SDK1: variants seen among roughly 807,000 people sequenced by gnomAD.
SDK1 encodes protein sidekick-1.
A neutral mutation model predicts 245.5 loss-of-function variants in SDK1; 157 were observed. That is an observed-to-expected ratio of 0.64 (90% CI 0.56 to 0.73). The LOEUF (loss-of-function observed/expected upper bound fraction) is 0.73, where lower values mean the gene tolerates loss of function less well. Among genes scored for constraint, SDK1 ranks in the 30% least tolerant of loss-of-function variants. The probability of loss-of-function intolerance (pLI) is 0.00; values close to 1 mark genes in which losing one functional copy is unlikely to be tolerated. For missense variants in SDK1, 3,583 were observed against 3,002.3 expected (o/e 1.19, Z -4.52); for synonymous variants, 1,647 against 1,278.5 (o/e 1.29, Z -6.15).
chr7:3,454,181 G>A (rs761106529), intron 1 of SDK1, among the ~76,000 whole-genome samples: 12 of 151,880 alleles, frequency 7.9e-5, no homozygotes, highest in Non-Finnish European at 1.3e-4. Context: ...AAAATTTGGA[G>A]GCACCATACA....
At chr7:3,416,463 C>CTT (rs5881982) in intron 1 of SDK1, among the ~76,000 whole-genome samples, 2,881 of 132,320 alleles carry the variant, frequency 0.022, 119 homozygotes, top group African/African-American at 0.075. Context: ...GGCTTTCGTT[C>CTT]TTTTTTTTTT....
At chr7:3,717,039 A>G (rs557464441) in intron 4 of SDK1, among the ~76,000 whole-genome samples, 2 of 152,332 alleles carry the variant, frequency 1.3e-5, no homozygotes, top group South Asian at 2.1e-4. Context: ...TGTATGTAGC[A>G]GAAATACTTA....
At chr7:4,105,557 A>C (rs2128188799) in intron 22 of SDK1, among the ~76,000 whole-genome samples, 1 of 146,666 alleles carries the variant, frequency 6.8e-6, no homozygotes, top group South Asian at 2.2e-4. Context: ...CACCCACCTC[A>C]GCCTCCCAAA....
Position 4,174,241 on chromosome 7 carries a change from T to C in SDK1, c.4820T>C (p.Leu1607Pro). The C allele has an allele frequency of 8.7e-6, 14 of 1,614,094 alleles. No individual in the cohort carries two copies. Among genetic ancestry groups the C allele is most frequent in the Non-Finnish European group, 1.2e-5 (14 of 1,179,966 alleles). Residue 1607 changes from leucine to proline, a missense_variant, in exon 33 of 45, where the codon CTG becomes CCG. Transcript: ENST00000404826. Reference sequence around the variant, plus strand: ...TTGCAGCCTCCGAGGGACGAAAGCCTGAATGGCCTTCTTCAGGGATACAGG... The same window carrying C: ...TTGCAGCCTCCGAGGGACGAAAGCCCGAATGGCCTTCTTCAGGGATACAGG... ...IQWQPPRDESLNGLLQGYRIY... is the reference protein window; with the variant it reads ...IQWQPPRDESPNGLLQGYRIY...
chr7:3,763,973 C>G (rs1352959509), intron 4 of SDK1, among the ~76,000 whole-genome samples: 1 of 152,168 alleles, frequency 6.6e-6, no homozygotes, highest in African/African-American at 2.4e-5. Flanking sequence ...CCAGTCAAAC[C>G]TAACCCTAAC....
At chr7:3,502,830 G>C (rs941587640) in intron 1 of SDK1, among the ~76,000 whole-genome samples, 1 of 152,082 alleles carries the variant, frequency 6.6e-6, no homozygotes, top group African/African-American at 2.4e-5. Context: ...TTCAGCTTTT[G>C]ATTTTCTGAA....
intron 12 of SDK1, among the ~76,000 whole-genome samples, chr7:3,971,836 A>G (rs6947503): frequency 0.019 from 2,953 of 152,234 alleles, 104 homozygotes; most frequent in African/African-American, 0.067. Flanking sequence ...TTAATACACT[A>G]TCTGTAAAAC....
At chr7:3,880,403 G>A (rs773678841) in intron 5 of SDK1, among the ~76,000 whole-genome samples, 1 of 152,162 alleles carries the variant, frequency 6.6e-6, no homozygotes, top group African/African-American at 2.4e-5. Flanking sequence ...GAACCAGCAC[G>A]GGGCGGGGGC....
At chr7:4,103,289 C>T (rs943588128) in intron 22 of SDK1, among the ~76,000 whole-genome samples, 3 of 143,676 alleles carry the variant, frequency 2.1e-5, no homozygotes, top group African/African-American at 2.6e-5. Context: ...CGTGAGCCAC[C>T]GCGCCCGGCC....
At chr7:3,417,958 A>G (rs1369210655) in intron 1 of SDK1, among the ~76,000 whole-genome samples, 1 of 152,044 alleles carries the variant, frequency 6.6e-6, no homozygotes, top group Non-Finnish European at 1.5e-5. Context: ...TTACTCATTT[A>G]CGCAACATTG....
intron 35 of SDK1, among the ~76,000 whole-genome samples, chr7:4,183,425 G>A (rs2128220617): frequency 6.6e-6 from 1 of 152,126 alleles, no homozygotes; most frequent in Non-Finnish European, 1.5e-5. Flanking sequence ...CGCGAAGTCA[G>A]GAGTTCAAGA....
chr7:3,570,378 G>T (rs1362596179), intron 1 of SDK1, among the ~76,000 whole-genome samples: 1 of 152,108 alleles, frequency 6.6e-6, no homozygotes, highest in East Asian at 1.9e-4. Flanking sequence ...GACCTGACGG[G>T]AGGAGTTGCT....
At chr7:3,399,083 A>C (rs116521661) in intron 1 of SDK1, among the ~76,000 whole-genome samples, 8,439 of 152,084 alleles carry the variant, frequency 0.055, 659 homozygotes, top group African/African-American at 0.17. Flanking sequence ...TTAGGACCCC[A>C]GTTATGTGTA....
intron 1 of SDK1, among the ~76,000 whole-genome samples, chr7:3,406,865 A>G (rs562935184): frequency 4.0e-4 from 61 of 152,178 alleles, no homozygotes; most frequent in Non-Finnish European, 6.8e-4. Flanking sequence ...TTTCTATTTT[A>G]TAAGATAAAT....
chr7:4,035,530 G>A (rs1788145369), intron 17 of SDK1, among the ~76,000 whole-genome samples: 1 of 152,146 alleles, frequency 6.6e-6, no homozygotes, highest in Non-Finnish European at 1.5e-5. Context: ...GCAGATTTGT[G>A]TCTTTAAGAC....
Position 4,208,330 on chromosome 7 carries a change from G to A in SDK1, c.5401+45G>A, listed in dbSNP as rs533990735. 8.0e-5 allele frequency: 125 copies of A among 1,570,340 alleles called. No individual in the cohort carries two copies. In the South Asian group the frequency reaches 1.1e-3, roughly 14 times the overall value. Reference sequence around the variant, plus strand: ...CCTTTGGGCAGGCCTCCTTGGACACGTGTTTTGAGAGCGCCAGCTCAGGTC... The same window carrying A: ...CCTTTGGGCAGGCCTCCTTGGACACATGTTTTGAGAGCGCCAGCTCAGGTC... On this transcript the variant is annotated intron_variant, in intron 37 of 44. Transcript: ENST00000404826.
At chr7:3,786,965 A>G (rs1001556000) in intron 4 of SDK1, among the ~76,000 whole-genome samples, 4 of 152,138 alleles carry the variant, frequency 2.6e-5, no homozygotes, top group Non-Finnish European at 4.4e-5. Flanking sequence ...TAGAAGAAAT[A>G]GAGTATAAAC....
At chr7:3,678,025 T>G (rs957212289) in intron 4 of SDK1, among the ~76,000 whole-genome samples, 2 of 152,210 alleles carry the variant, frequency 1.3e-5, no homozygotes, top group South Asian at 4.1e-4. Flanking sequence ...GTGTCATTAG[T>G]CATTAGTGGT....
intron 16 of SDK1, 76 bp from the exon 17 acceptor site, chr7:4,017,095 G>T: frequency 7.1e-7 from 1 of 1,405,668 alleles, no homozygotes; most frequent in Non-Finnish European, 9.6e-7. Context: ...CCCTAACCCT[G>T]CGGAATAACT....
Sources: gnomAD v4.1 joint callset for allele counts (sites outside exome capture counted in the v4.1 genomes callset) on GRCh38, gnomAD v4.1.1 for gene constraint, MANE v1.5 for transcripts, NCBI Gene and HGNC (gene_info 2026-07-23, HGNC 2026-07-21) for gene names.